The following ERP44 variants were observed in gnomAD, a reference collection of about 807,000 sequenced individuals.
ERP44 encodes the protein endoplasmic reticulum resident protein 44.
A neutral mutation model predicts 53.4 loss-of-function variants in ERP44; 25 were observed. The ratio of observed to expected loss-of-function variants is 0.47; its 90% CI spans 0.34 to 0.65. The LOEUF (loss-of-function observed/expected upper bound fraction) is 0.65, where lower values mean the gene tolerates loss of function less well. Among genes scored for constraint, ERP44 ranks in the 30% least tolerant of loss-of-function variants. The pLI, the probability that ERP44 is intolerant of heterozygous loss-of-function variation, is 0.01. For synonymous variants in ERP44, 145 were observed against 161.2 expected, an observed-to-expected ratio of 0.90 and a Z score of 0.76; for missense variants, 338 against 493.2, an observed-to-expected ratio of 0.69 and a Z score of 2.98.
At chr9:100,068,989 A>AC (rs956657811) in intron 1 of ERP44, among the ~76,000 whole-genome samples, 2 of 152,060 alleles carry the variant, frequency 1.3e-5, no homozygotes, top group African/African-American at 4.8e-5. Flanking sequence ...CTGTGACCTT[A>AC]CCCCCAACCC....
intron 4 of ERP44, among the ~76,000 whole-genome samples, chr9:100,030,404 G>T (rs960790734): frequency 6.6e-6 from 1 of 152,192 alleles, no homozygotes; most frequent in South Asian, 2.1e-4. Flanking sequence ...TCCGGGTAAA[G>T]GATGGGATTG....
chr9:100,028,198 A>G (rs1299784653), intron 4 of ERP44, among the ~76,000 whole-genome samples: 1 of 152,202 alleles, frequency 6.6e-6, no homozygotes, highest in Admixed American at 6.5e-5. Context: ...ATCAAGGACA[A>G]TTACAAAGTA....
intron 1 of ERP44, among the ~76,000 whole-genome samples, chr9:100,083,645 T>TG (rs1488844993): frequency 6.6e-6 from 1 of 152,212 alleles, no homozygotes; most frequent in Non-Finnish European, 1.5e-5. Flanking sequence ...TGTCAGAAGA[T>TG]GAGACACCTT....
intron 8 of ERP44, among the ~76,000 whole-genome samples, chr9:100,014,565 A>G (rs1366321164): frequency 2.0e-5 from 3 of 152,252 alleles, no homozygotes; most frequent in African/African-American, 7.2e-5. Flanking sequence ...CTGGGATTAC[A>G]GGCGTGAGCC....
At chr9:100,067,423 C>A (rs7027536) in intron 1 of ERP44, among the ~76,000 whole-genome samples, 4 of 151,794 alleles carry the variant, frequency 2.6e-5, no homozygotes, top group African/African-American at 7.3e-5. Flanking sequence ...CAGCTCCTAA[C>A]CGCGAGTGAT....
chr9:100,072,884 G>A (rs1363108667), intron 1 of ERP44, among the ~76,000 whole-genome samples: 2 of 152,182 alleles, frequency 1.3e-5, no homozygotes, highest in South Asian at 2.1e-4. Flanking sequence ...AAGTCCCTGA[G>A]TCATCCACAA....
At chr9:100,061,708 T>C (rs1334170143) in intron 1 of ERP44, among the ~76,000 whole-genome samples, 2 of 151,344 alleles carry the variant, frequency 1.3e-5, no homozygotes. Flanking sequence ...GTGTAGCCAA[T>C]AACTATCATG....
intron 11 of ERP44, among the ~76,000 whole-genome samples, chr9:99,983,717 T>A (rs901409344): frequency 2.6e-4 from 40 of 152,208 alleles, no homozygotes; most frequent in African/African-American, 8.4e-4. Context: ...GGCACATTAA[T>A]TCTAACAGGA....
intron 1 of ERP44, among the ~76,000 whole-genome samples, chr9:100,088,575 A>C (rs1416459980): frequency 6.6e-6 from 1 of 152,322 alleles, no homozygotes; most frequent in East Asian, 1.9e-4. Context: ...TTACTCTATA[A>C]TAAGGCATTG....
At chr9:100,076,056 A>G (rs930715157) in intron 1 of ERP44, among the ~76,000 whole-genome samples, 4 of 152,212 alleles carry the variant, frequency 2.6e-5, no homozygotes, top group African/African-American at 7.2e-5. Context: ...AGGCCCTGCC[A>G]TCTTCTGCAG....
chr9:100,051,588 T>A (rs1826037714), intron 4 of ERP44, among the ~76,000 whole-genome samples: 1 of 151,762 alleles, frequency 6.6e-6, no homozygotes, highest in African/African-American at 2.4e-5. Context: ...AAAGTGAGCA[T>A]TAAAAAAAGA....
chr9:99,980,614 G>A lies in ERP44; in HGVS notation c.*1998C>T, dbSNP rs1830138791. On this transcript the variant is annotated 3_prime_UTR_variant, in exon 12 of 12. Transcript: ENST00000262455. ...GTAAAAAAGTAACCAAGGTCACTTT[G>A]CTTCTCATTCATTAAATAAACGCCT... is the stretch of plus-strand genomic sequence containing the variant. 1 of 152,160 alleles carries A rather than the reference G, an allele frequency of 6.6e-6. No homozygotes were observed. The highest frequency in any genetic ancestry group is 2.4e-5 in the African/African-American group (1 of 41,430). The allele number at this position is 152,160 out of a possible 1,614,324, so 9.4% of individuals were successfully genotyped here.
At chr9:100,029,112 T>C (rs1465420663) in intron 4 of ERP44, among the ~76,000 whole-genome samples, 2 of 152,158 alleles carry the variant, frequency 1.3e-5, no homozygotes, top group Non-Finnish European at 2.9e-5. Context: ...CTTTAGCACA[T>C]TGGTCTGTGC....
intron 10 of ERP44, among the ~76,000 whole-genome samples, chr9:99,987,461 C>A (rs1436091523): frequency 1.3e-5 from 2 of 152,150 alleles, no homozygotes; most frequent in Non-Finnish European, 2.9e-5. Flanking sequence ...TTTTAGGTGA[C>A]ACAAAATTTT....
chr9:100,006,585 T>G lies in ERP44; in HGVS notation c.937A>C (p.Lys313Gln). ...KFRHPLLHIQ[K>Q]TPADCPVIAI... ...ATTACAGGACAATCTGCTGGAGTTTTCTGTATGTGCAGAAGAGGATGTCTA... is the reference window on the plus strand; with the variant it reads ...ATTACAGGACAATCTGCTGGAGTTTGCTGTATGTGCAGAAGAGGATGTCTA... The change falls in exon 10 of 12, where the codon AAA (lysine) becomes CAA (glutamine). Residue 313 changes from lysine (K) to glutamine (Q), a missense_variant. Physicochemically the swap from Lys to Gln is moderately conservative, Grantham distance 53. Around this residue, in one of 3 missense-constraint regions of ERP44, gnomAD observed 113 missense variants for 172.6 expected, o/e 0.65. Coordinates refer to ENST00000262455, the MANE Select transcript of ERP44 (RefSeq NM_015051.3). 1 of 1,611,706 alleles carries G rather than the reference T, an allele frequency of 6.2e-7. No homozygotes were observed. Among genetic ancestry groups the G allele is most frequent in the Non-Finnish European group, 8.5e-7 (1 of 1,178,514 alleles).
intron 10 of ERP44, among the ~76,000 whole-genome samples, chr9:100,005,410 C>T (rs753830538): frequency 5.9e-5 from 9 of 152,184 alleles, no homozygotes; most frequent in Non-Finnish European, 1.2e-4. Flanking sequence ...GTTCTTAGCA[C>T]AATGTCTGTC....
intron 10 of ERP44, among the ~76,000 whole-genome samples, chr9:99,990,417 C>G (rs913241859): frequency 6.6e-6 from 1 of 152,140 alleles, no homozygotes; most frequent in African/African-American, 2.4e-5. Flanking sequence ...CCAAACTAAG[C>G]TTCATAAGTG....
intron 6 of ERP44, among the ~76,000 whole-genome samples, chr9:100,018,849 G>C (rs931529380): frequency 6.6e-6 from 1 of 152,154 alleles, no homozygotes; most frequent in Middle Eastern, 3.2e-3. Context: ...TAGTCCAGGA[G>C]ATAGAGGCAA....
chr9:100,008,960 C>G (rs1038501599), intron 8 of ERP44, among the ~76,000 whole-genome samples: 1 of 151,882 alleles, frequency 6.6e-6, no homozygotes, highest in Non-Finnish European at 1.5e-5. Context: ...TCAGGTTGGT[C>G]CCAAACTCCT....
Sources: gnomAD v4.1 joint callset for allele counts (sites outside exome capture counted in the v4.1 genomes callset) on GRCh38, gnomAD v4.1.1 for gene constraint, gnomAD v4.1.1 regional missense constraint, MANE v1.5 for transcripts, NCBI Gene and HGNC (gene_info 2026-07-23, HGNC 2026-07-21) for gene names.